The following KDM4B variants were observed in gnomAD, a reference collection of about 807,000 sequenced individuals.
KDM4B encodes lysine demethylase 4B.
In KDM4B, 32 loss-of-function variants were observed where a neutral mutation model predicts 125.2. That is an observed-to-expected ratio of 0.26 (90% CI 0.19 to 0.34). KDM4B has a LOEUF of 0.34. Ranked by LOEUF, KDM4B falls within the 10% of genes least tolerant of loss-of-function variation. The pLI is 1.00. For missense variants in KDM4B, 1,190 were observed against 1,577.7 expected, an observed-to-expected ratio of 0.75 and a Z score of 4.16; for synonymous variants, 721 against 677.9, an observed-to-expected ratio of 1.06 and a Z score of -0.99.
At chr19:5,087,471 C>T (rs1344597831) in intron 9 of KDM4B, among the ~76,000 whole-genome samples, 1 of 152,220 alleles carries the variant, frequency 6.6e-6, no homozygotes, top group South Asian at 2.1e-4. Flanking sequence ...CACAGAGGTC[C>T]CCAGACATCA....
At chr19:4,982,590 G>A (rs997091448) in intron 1 of KDM4B, among the ~76,000 whole-genome samples, 1 of 147,514 alleles carries the variant, frequency 6.8e-6, no homozygotes, top group Non-Finnish European at 1.5e-5. Context: ...CAAAAGTGAT[G>A]TTCTCTCTCT....
chr19:5,145,947 G>A (rs1323156375), intron 21 of KDM4B, among the ~76,000 whole-genome samples: 5 of 152,210 alleles, frequency 3.3e-5, no homozygotes, highest in South Asian at 2.1e-4. Flanking sequence ...TCCCGAGGCC[G>A]CATTAAGGAA....
In KDM4B at chr19:5,114,919, T is replaced by G. The variant is rs569421182; in HGVS notation, c.1115+4101T>G. ...GTTATCTGGACTATGTCCCGACATT[T>G]GGCTCATAGGAATGAGCCCAGCGGC... On this transcript the variant is annotated intron_variant, in intron 10 of 22. Coordinates refer to ENST00000159111, the MANE Select transcript of KDM4B (RefSeq NM_015015.3). The surrounding 1 kb of genome is among the most constrained non-coding windows in gnomAD (Gnocchi z 5.8). Among the ~76,000 whole-genome samples, 16 of 152,398 alleles carry G rather than the reference T, an allele frequency of 1.0e-4. No individual in the cohort carries two copies. The East Asian group carries it at 2.1e-3, about 20-fold the overall frequency.
chr19:5,040,937 G>A (rs1188266153), intron 4 of KDM4B, among the ~76,000 whole-genome samples, 200 bp from the exon 5 acceptor site: 2 of 152,240 alleles, frequency 1.3e-5, no homozygotes, highest in African/African-American at 2.4e-5. Context: ...GGGTACGTGG[G>A]TTTGGGCCAC....
intron 11 of KDM4B, among the ~76,000 whole-genome samples, chr19:5,125,792 T>G (rs1424073930): frequency 7.9e-6 from 1 of 126,322 alleles, no homozygotes; most frequent in East Asian, 2.8e-4. Context: ...CCCCCCGCCC[T>G]GGACACCCTT....
At chr19:4,998,786 G>A (rs920165759) in intron 1 of KDM4B, among the ~76,000 whole-genome samples, 7 of 152,110 alleles carry the variant, frequency 4.6e-5, no homozygotes, top group Non-Finnish European at 5.9e-5. Context: ...TTTTGGGGGC[G>A]TACAGGCCGT....
At chr19:5,109,636 C>T (rs1348093701) in intron 9 of KDM4B, among the ~76,000 whole-genome samples, 1 of 152,222 alleles carries the variant, frequency 6.6e-6, no homozygotes, top group African/African-American at 2.4e-5. Context: ...CAGCACATGG[C>T]ACGTTAATGT....
chr19:4,980,037 G>A (rs1419210087), intron 1 of KDM4B, among the ~76,000 whole-genome samples: 3 of 152,030 alleles, frequency 2.0e-5, no homozygotes, highest in African/African-American at 4.8e-5. Context: ...CCCAGGAGGC[G>A]GAGGCTGCAG....
In KDM4B at chr19:5,104,202, G is replaced by A. The variant is rs1410834148; in HGVS notation, c.919-6420G>A. The stretch of plus-strand genomic sequence containing the variant: ...CCCTCCACCCCGGCAGCAGCAGGAC[G>A]AGCAGGCGTGCCAGCACAGCTCCTG... On this transcript the variant is annotated intron_variant, in intron 9 of 22. Transcript: ENST00000159111. Among the ~76,000 whole-genome samples the A allele has an allele frequency of 3.3e-5, 5 of 152,058 alleles. 1 individual carries two copies. In the South Asian group the frequency reaches 8.3e-4, roughly 25 times the overall value.
chr19:5,059,858 CAG>C (rs1328249779), intron 6 of KDM4B, among the ~76,000 whole-genome samples: 1 of 152,222 alleles, frequency 6.6e-6, no homozygotes. Context: ...GTTCTGCACA[CAG>C]AGACTCAGAC....
At chr19:5,021,385 G>A (rs2036115281) in intron 2 of KDM4B, among the ~76,000 whole-genome samples, 1 of 152,140 alleles carries the variant, frequency 6.6e-6, no homozygotes, top group Non-Finnish European at 1.5e-5. Context: ...CTTGAGGCCA[G>A]AAGTTCAAGA....
chr19:5,085,743 T>C (rs1468277084), intron 9 of KDM4B, among the ~76,000 whole-genome samples: 2 of 152,136 alleles, frequency 1.3e-5, no homozygotes, highest in Non-Finnish European at 2.9e-5. Flanking sequence ...GCGAGGGCCT[T>C]ACGCAGGGAG....
chr19:5,123,719 T>C lies in KDM4B; in HGVS notation c.1315+3867T>C, dbSNP rs77217726. On this transcript the variant is annotated intron_variant, in intron 11 of 22. Transcript: ENST00000159111. ...GGAAATCCTCAGAAATAATGCAGAC[T>C]CCAGCAGGCAAGCTGGGCGCCTGAG... Among the ~76,000 whole-genome samples the C allele has an allele frequency of 2.2e-3, 333 of 152,328 alleles. 5 individuals carry two copies. Among genetic ancestry groups the C allele is most frequent in the African/African-American group, 7.6e-3 (314 of 41,562 alleles).
intron 14 of KDM4B, among the ~76,000 whole-genome samples, chr19:5,134,529 G>T (rs2039614415): frequency 6.6e-6 from 1 of 152,192 alleles, no homozygotes; most frequent in African/African-American, 2.4e-5. Context: ...CACCCAGATG[G>T]GGAGCTGGCC....
intron 9 of KDM4B, among the ~76,000 whole-genome samples, chr19:5,108,301 T>C (rs1444249309): frequency 1.3e-5 from 2 of 152,230 alleles, no homozygotes; most frequent in Non-Finnish European, 2.9e-5. Flanking sequence ...TGCCACTCCA[T>C]GGCCAAATGA....
intron 1 of KDM4B, among the ~76,000 whole-genome samples, chr19:4,970,103 G>A (rs1040814418): frequency 1.3e-5 from 2 of 152,068 alleles, no homozygotes; most frequent in African/African-American, 2.4e-5. Context: ...TTGACCTGGG[G>A]TCTGCCAGGG....
rs1212302428 is a variant in KDM4B at position 5,047,565 on chromosome 19, G to C, written c.522G>C (p.Thr174=). Residue 174 remains threonine (T), a synonymous_variant, in exon 6 of 23, where the codon ACG becomes ACC. Coordinates refer to ENST00000159111, the MANE Select transcript of KDM4B (RefSeq NM_015015.3). The part of the protein sequence containing the change: ...ECGTIIEGVN[T]PYLYFGMWKT... ...GCACCATCATCGAGGGCGTGAACAC[G>C]CCCTACCTGTACTTCGGCATGTGGA... 1 of 1,613,842 alleles carries C rather than the reference G, an allele frequency of 6.2e-7. No homozygotes were observed. The highest frequency in any genetic ancestry group is 1.1e-5 in the South Asian group (1 of 91,092).
intron 3 of KDM4B, among the ~76,000 whole-genome samples, chr19:5,038,269 C>G (rs1446555530): frequency 6.6e-6 from 1 of 152,190 alleles, no homozygotes; most frequent in African/African-American, 2.4e-5. Flanking sequence ...TGCCTGGCAC[C>G]CAGAAGGCCC....
At chr19:5,104,971 G>T (rs1338630826) in intron 9 of KDM4B, among the ~76,000 whole-genome samples, 1 of 152,238 alleles carries the variant, frequency 6.6e-6, no homozygotes, top group African/African-American at 2.4e-5. Flanking sequence ...GGCTCCGGGA[G>T]TTTGGAGCTG....
Sources: allele counts gnomAD v4.1 joint callset (sites outside exome capture counted in the v4.1 genomes callset), GRCh38; gene constraint gnomAD v4.1.1; non-coding constraint Gnocchi (gnomAD v3.1); transcripts MANE v1.5; gene names NCBI Gene and HGNC (gene_info 2026-07-23, HGNC 2026-07-21).